The following ITGB5 variants were observed in gnomAD, a reference collection of about 807,000 sequenced individuals.
ITGB5 encodes the protein integrin beta-5.
ITGB5 carries 38 observed loss-of-function variants against 84.8 expected under a neutral mutation model. The ratio of observed to expected loss-of-function variants is 0.45; its 90% CI spans 0.35 to 0.59. The LOEUF is 0.59. Ranked by LOEUF, ITGB5 falls within the 20% of genes least tolerant of loss-of-function variation. ITGB5 has a pLI of 0.01. For missense variants in ITGB5, 905 were observed against 1,034.5 expected (o/e 0.87, Z 1.72); for synonymous variants, 393 against 414.4 (o/e 0.95, Z 0.63).
intron 6 of ITGB5, among the ~76,000 whole-genome samples, chr3:124,820,880 A>G (rs547481589): frequency 4.6e-4 from 70 of 152,270 alleles, no homozygotes; most frequent in South Asian, 1.2e-3. Flanking sequence ...CACCACTAAC[A>G]CTGACAGGCA....
chr3:124,800,672 G>A (rs533288095), intron 9 of ITGB5, among the ~76,000 whole-genome samples: 16 of 150,494 alleles, frequency 1.1e-4, no homozygotes, highest in East Asian at 3.9e-4. Context: ...TGCTGGGCAC[G>A]GGAAGTGCTA....
intron 5 of ITGB5, among the ~76,000 whole-genome samples, chr3:124,823,741 G>A (rs993067307): frequency 6.6e-6 from 1 of 151,824 alleles, no homozygotes; most frequent in Non-Finnish European, 1.5e-5. Context: ...TATAAGCCAT[G>A]GATTGTGGAA....
chr3:124,800,927 C>T (rs1283537047), intron 9 of ITGB5, among the ~76,000 whole-genome samples: 1 of 152,218 alleles, frequency 6.6e-6, no homozygotes, highest in Admixed American at 6.5e-5. Flanking sequence ...AGCAGCCCTC[C>T]CACTCGGTCT....
rs748784158 is a variant in ITGB5 at position 124,894,134 on chromosome 3, C to CTT, written c.-255+7130_-255+7131dup. ...TTATAGTAAAAGTTGTGATATTTTT[C>CTT]TTTTTTTTTTTTTTTTTTGAGACAG... On this transcript the variant is annotated intron_variant, in intron 1 of 4. Coordinates refer to the ITGB5 transcript ENST00000608657. 2.0e-4 allele frequency among the ~76,000 whole-genome samples: 21 copies of CTT among 104,354 alleles called. 1 individual carries two copies. In the East Asian group the frequency reaches 2.6e-3, roughly 13 times the overall value. 68.5% of individuals were successfully genotyped at this position (104,354 alleles called of 152,430 possible).
chr3:124,853,765 G>A (rs562099364), intron 3 of ITGB5, among the ~76,000 whole-genome samples: 1 of 152,178 alleles, frequency 6.6e-6, no homozygotes, highest in Non-Finnish European at 1.5e-5. Flanking sequence ...CTGGTTTTGA[G>A]AATGTACTTT....
At chr3:124,801,074 G>A (rs1032706852) in intron 9 of ITGB5, among the ~76,000 whole-genome samples, 1 of 152,208 alleles carries the variant, frequency 6.6e-6, no homozygotes, top group Non-Finnish European at 1.5e-5. Flanking sequence ...TGCCAAGTCT[G>A]CTCAGATCTC....
chr3:124,876,971 G>GTTT (rs147825400), intron 1 of ITGB5, among the ~76,000 whole-genome samples: 3 of 150,302 alleles, frequency 2.0e-5, no homozygotes, highest in Non-Finnish European at 3.0e-5. Context: ...TTTCTTGTTT[G>GTTT]TTTTTTTTTC....
intron 11 of ITGB5, among the ~76,000 whole-genome samples, chr3:124,771,430 G>A (rs1293642569): frequency 6.6e-6 from 1 of 152,150 alleles, no homozygotes; most frequent in Non-Finnish European, 1.5e-5. Context: ...GAGACAGAGG[G>A]TCAGTGTGGC....
At chr3:124,807,773 G>A (rs1336074027) in intron 9 of ITGB5, among the ~76,000 whole-genome samples, 2 of 151,146 alleles carry the variant, frequency 1.3e-5, no homozygotes, top group East Asian at 2.0e-4. Context: ...GTGAAACCCC[G>A]TCTCTACTAA....
chr3:124,834,105 C>G (rs921668131), intron 5 of ITGB5, among the ~76,000 whole-genome samples: 4 of 152,142 alleles, frequency 2.6e-5, no homozygotes, highest in African/African-American at 9.7e-5. Context: ...ACAGGGACTT[C>G]CGGGGCAGGG....
At chr3:124,891,142 TG>T (rs1559991382), upstream of ITGB5, among the ~76,000 whole-genome samples, 1 of 152,206 alleles carries the variant, frequency 6.6e-6, no homozygotes, top group Admixed American at 6.5e-5. Context: ...TGTTTCTTAT[TG>T]TTAGTTTTAA....
At chr3:124,809,229 C>G in intron 8 of ITGB5, 73 bp from the exon 9 acceptor site, 1 of 1,554,586 alleles carries the variant, frequency 6.4e-7, no homozygotes, top group Admixed American at 1.7e-5. Flanking sequence ...CACTGGTTTT[C>G]TGAGGCCCAC....
chr3:124,766,400 C>A, intron 12 of ITGB5, 55 bp from the exon 13 acceptor site: 1 of 1,597,372 alleles, frequency 6.3e-7, no homozygotes, highest in Non-Finnish European at 8.5e-7. Flanking sequence ...CCCACAGCCA[C>A]TGATGGTCGG....
At chr3:124,875,237 T>G (rs1934251882) in intron 1 of ITGB5, among the ~76,000 whole-genome samples, 1 of 152,068 alleles carries the variant, frequency 6.6e-6, no homozygotes, top group African/African-American at 2.4e-5. Context: ...TAGCACTTTA[T>G]GAGGCCGAGG....
chr3:124,890,718 C>G (rs1479462601), upstream of ITGB5, among the ~76,000 whole-genome samples: 1 of 152,150 alleles, frequency 6.6e-6, no homozygotes, highest in African/African-American at 2.4e-5. Context: ...CCTATTATCA[C>G]CTGGTGGTTT....
intron 5 of ITGB5, 54 bp downstream of exon 5, chr3:124,841,329 A>G: frequency 6.4e-7 from 1 of 1,557,848 alleles, no homozygotes. Context: ...ACACCCACTG[A>G]CGCTCTCTAC....
At position 124,833,444 on chromosome 3, in the gene ITGB5, C is replaced by T. The variant is rs139673237; in HGVS notation, c.780+7939G>A. Reference sequence around the variant, plus strand: ...ATTTCCCTTCTAATGGATCTGCAGGCTCAAATCAAATCCCAGAGGATAGAG... The same window carrying T: ...ATTTCCCTTCTAATGGATCTGCAGGTTCAAATCAAATCCCAGAGGATAGAG... On this transcript the variant is annotated intron_variant, in intron 5 of 14. Transcript: ENST00000296181. 2.5e-3 allele frequency among the ~76,000 whole-genome samples: 383 copies of T among 152,300 alleles called. 1 individual carries two copies. The highest frequency in any genetic ancestry group is 9.0e-3 in the African/African-American group (374 of 41,568).
intron 1 of ITGB5, among the ~76,000 whole-genome samples, chr3:124,882,714 G>A (rs115232032): frequency 0.013 from 1,962 of 152,292 alleles, 57 homozygotes; most frequent in African/African-American, 0.043. Context: ...AGGGACAGTT[G>A]AGAATAACTA....
At chr3:124,832,032 T>C (rs1016887223) in intron 5 of ITGB5, among the ~76,000 whole-genome samples, 6 of 152,218 alleles carry the variant, frequency 3.9e-5, no homozygotes, top group African/African-American at 1.4e-4. Context: ...ACAGTACCAG[T>C]GGCCTCCCTG....
Sources: allele counts gnomAD v4.1 joint callset (sites outside exome capture counted in the v4.1 genomes callset), GRCh38; gene constraint gnomAD v4.1.1; transcripts MANE v1.5; gene names NCBI Gene and HGNC (gene_info 2026-07-23, HGNC 2026-07-21).